The following IL1RN variants were observed in gnomAD, a reference collection of about 807,000 sequenced individuals.
IL1RN encodes the protein interleukin-1 receptor antagonist protein.
A neutral mutation model predicts 13.7 loss-of-function variants in IL1RN; 10 were observed. The observed-to-expected ratio is 0.73, with a 90% confidence interval of 0.45 to 1.24. The LOEUF (loss-of-function observed/expected upper bound fraction) is 1.24. Among genes scored for constraint, IL1RN ranks in the 50% most tolerant of loss-of-function variants. IL1RN has a pLI of 0.00. For synonymous variants in IL1RN, 102 were observed against 82.7 expected (o/e 1.23, Z -1.27); for missense variants, 213 against 222.1 (o/e 0.96, Z 0.26).
At chr2:113,131,213 C>A in intron 3 of IL1RN, 56 bp downstream of exon 3, 1 of 1,121,802 alleles carries the variant, frequency 8.9e-7, no homozygotes, top group Non-Finnish European at 1.4e-6. Flanking sequence ...TTGAAACAAC[C>A]AAAATTTTTT....
chr2:113,107,181 T>C (rs1249330499), upstream of IL1RN: 1 of 152,234 alleles, frequency 6.6e-6, no homozygotes, highest in African/African-American at 2.4e-5. Context: ...TGTCTGAGAC[T>C]ATTCCAGAAC....
chr2:113,105,773 AC>A (rs1686377159), upstream of IL1RN, among the ~76,000 whole-genome samples: 1 of 152,236 alleles, frequency 6.6e-6, no homozygotes, highest in Non-Finnish European at 1.5e-5. Context: ...TTTCCTTTTA[AC>A]ACATTGAGGT....
upstream of IL1RN, among the ~76,000 whole-genome samples, chr2:113,104,405 G>T (rs552853482): frequency 1.1e-3 from 161 of 152,280 alleles, no homozygotes; most frequent in African/African-American, 3.8e-3. Context: ...CCCAGTGAGG[G>T]GAGGGATGAA....
At chr2:113,124,606 G>A (rs1023211391), upstream of IL1RN, among the ~76,000 whole-genome samples, 1 of 152,150 alleles carries the variant, frequency 6.6e-6, no homozygotes, top group Non-Finnish European at 1.5e-5. Flanking sequence ...ATATGCAAAA[G>A]CCACGGTGTG....
At chr2:113,126,872 T>C (rs1268321914), upstream of IL1RN, among the ~76,000 whole-genome samples, 1 of 152,228 alleles carries the variant, frequency 6.6e-6, no homozygotes, top group Non-Finnish European at 1.5e-5. Flanking sequence ...TATGTCATCG[T>C]CCCGAGACCA....
At chr2:113,116,662 C>A (rs1189160314), upstream of IL1RN, among the ~76,000 whole-genome samples, 4 of 152,202 alleles carry the variant, frequency 2.6e-5, no homozygotes, top group East Asian at 1.9e-4. Flanking sequence ...ATTATGAGCC[C>A]TTCTGCAAAT....
At chr2:113,122,971 C>G (rs1027374520), upstream of IL1RN, among the ~76,000 whole-genome samples, 3 of 152,002 alleles carry the variant, frequency 2.0e-5, no homozygotes, top group Non-Finnish European at 4.4e-5. Context: ...ACTAAAAATA[C>G]AAAATTAGTT....
At chr2:113,127,275 A>T (rs1686994807), upstream of IL1RN, among the ~76,000 whole-genome samples, 1 of 152,212 alleles carries the variant, frequency 6.6e-6, no homozygotes, top group Non-Finnish European at 1.5e-5. Flanking sequence ...TCTGTTTTTT[A>T]AAAAGTCAAC....
intron 1 of IL1RN, 28 bp downstream of exon 1, chr2:113,127,768 G>T (rs765105930): frequency 2.5e-6 from 4 of 1,609,910 alleles, no homozygotes; most frequent in Non-Finnish European, 3.4e-6. Context: ...AGGAGAAGGT[G>T]AGGGTGGATC....
chr2:113,120,170 C>A (rs777592940), intron 2 of IL1RN: 6 of 1,360,056 alleles, frequency 4.4e-6, no homozygotes, highest in South Asian at 2.3e-5. Context: ...CAATTTTAGG[C>A]TACTAGATAT....
In IL1RN at chr2:113,133,036, C is replaced by T. The variant is rs886054773; in HGVS notation, c.*165C>T. On this transcript the variant is annotated 3_prime_UTR_variant, in exon 4 of 4. Coordinates refer to ENST00000409930, the MANE Select transcript of IL1RN (RefSeq NM_173842.3). ...ACCTGGTCACAGGACTCTGCCTCCT[C>T]TTCAACTGACCAGCCTCCATGCTGC... is the stretch of plus-strand genomic sequence containing the variant. 3 of 700,378 alleles carry T rather than the reference C, an allele frequency of 4.3e-6. No homozygotes were observed. In the African/African-American group the frequency reaches 5.3e-5, roughly 12 times the overall value. The allele number at this position is 700,378 out of a possible 1,614,324, so 43.4% of individuals were successfully genotyped here.
chr2:113,126,631 A>G (rs923436471), upstream of IL1RN, among the ~76,000 whole-genome samples: 1 of 152,158 alleles, frequency 6.6e-6, no homozygotes, highest in Non-Finnish European at 1.5e-5. Flanking sequence ...ATCAGAGCCC[A>G]TTATGGGCCA....
chr2:113,131,312 A>C (rs1329444163), intron 3 of IL1RN, among the ~76,000 whole-genome samples, 155 bp downstream of exon 3: 1 of 152,232 alleles, frequency 6.6e-6, no homozygotes, highest in Non-Finnish European at 1.5e-5. Flanking sequence ...AGCTGCATTC[A>C]GCAGAGTGCC....
rs770993906 is a variant in IL1RN at position 113,132,738 on chromosome 2, C to T, written c.401C>T (p.Thr134Ile). ...ATCCGCTCAGACAGTGGCCCCACCACCAGTTTTGAGTCTGCCGCCTGCCCC... is the reference window on the plus strand; with the variant it reads ...ATCCGCTCAGACAGTGGCCCCACCATCAGTTTTGAGTCTGCCGCCTGCCCC... ...AFIRSDSGPT[T>I]SFESAACPGW... The change falls in exon 4 of 4, where the codon ACC (threonine) becomes ATC (isoleucine). Residue 134 changes from threonine to isoleucine, a missense_variant. Physicochemically the swap from Thr to Ile is moderately conservative, Grantham distance 89. Transcript: ENST00000409930. 3.7e-6 allele frequency: 6 copies of T among 1,614,158 alleles called. No homozygotes were observed. Among genetic ancestry groups the T allele is most frequent in the Non-Finnish European group, 5.1e-6 (6 of 1,180,060 alleles).
At chr2:113,112,577 T>G (rs1455707825) in intron 1 of IL1RN, among the ~76,000 whole-genome samples, 1 of 152,182 alleles carries the variant, frequency 6.6e-6, no homozygotes, top group East Asian at 1.9e-4. Context: ...AGTTTAGTTC[T>G]GTGACTTACT....
upstream of IL1RN, chr2:113,115,639 C>T (rs1265757155): frequency 2.0e-5 from 3 of 152,298 alleles, no homozygotes; most frequent in Admixed American, 6.5e-5. Context: ...CAAATGCCAG[C>T]TCTCCCACTA....
Position 113,132,980 on chromosome 2 carries a change from G to A in IL1RN, c.*109G>A. The A allele has an allele frequency of 2.8e-6, 3 of 1,055,738 alleles. No individual in the cohort carries two copies. The highest frequency in any genetic ancestry group is 2.6e-5 in the South Asian group (2 of 77,952). 65.4% of individuals were successfully genotyped at this position (1,055,738 alleles called of 1,614,324 possible). ...ATGGGGGCACTGAGGACCAGCCATTGAGGGGTGGACCCTCAGAAGGCGTCA... is the reference window on the plus strand; with the variant it reads ...ATGGGGGCACTGAGGACCAGCCATTAAGGGGTGGACCCTCAGAAGGCGTCA... On this transcript the variant is annotated 3_prime_UTR_variant, in exon 4 of 4. Coordinates refer to ENST00000409930, the MANE Select transcript of IL1RN (RefSeq NM_173842.3).
chr2:113,107,542 G>A (rs575938384), upstream of IL1RN, among the ~76,000 whole-genome samples: 4 of 149,892 alleles, frequency 2.7e-5, no homozygotes, highest in South Asian at 4.2e-4. Context: ...TGGCCAACAT[G>A]GTGAAACCCC....
At chr2:113,128,569 C>T (rs558031642) in intron 1 of IL1RN, among the ~76,000 whole-genome samples, 2 of 152,154 alleles carry the variant, frequency 1.3e-5, no homozygotes, top group South Asian at 4.1e-4. Context: ...CAGCTAGAAG[C>T]TCCAGGAGAT....
Sources: gnomAD v4.1 joint callset for allele counts (sites outside exome capture counted in the v4.1 genomes callset) on GRCh38, gnomAD v4.1.1 for gene constraint, MANE v1.5 for transcripts, NCBI Gene and HGNC (gene_info 2026-07-23, HGNC 2026-07-21) for gene names.